Variants in PTPN3 observed in about 807,000 individuals in gnomAD.
PTPN3 encodes tyrosine-protein phosphatase non-receptor type 3.
Under a neutral mutation model 132.7 loss-of-function variants are expected in PTPN3, and 96 were observed. That is an observed-to-expected ratio of 0.72 (90% CI 0.61 to 0.86). The LOEUF is 0.86. Among genes scored for constraint, PTPN3 ranks in the 40% least tolerant of loss-of-function variants. The probability of loss-of-function intolerance (pLI) is 0.00; values close to 1 mark genes in which losing one functional copy is unlikely to be tolerated. For synonymous variants in PTPN3, 398 were observed against 429.0 expected, an observed-to-expected ratio of 0.93 and a Z score of 0.89; for missense variants, 1,125 against 1,159.6, an observed-to-expected ratio of 0.97 and a Z score of 0.43.
At chr9:109,526,622 C>G in the PTPN3 span, among the ~76,000 whole-genome samples, 1 of 152,148 alleles carries the variant, frequency 6.6e-6, no homozygotes, top group Non-Finnish European at 1.5e-5. Flanking sequence ...CTGCAGTGGG[C>G]TGCGTTCATG....
At chr9:109,385,949 C>G (rs1839547630) in intron 22 of PTPN3, among the ~76,000 whole-genome samples, 1 of 152,188 alleles carries the variant, frequency 6.6e-6, no homozygotes, top group Non-Finnish European at 1.5e-5. Flanking sequence ...AAGGATGTGT[C>G]TTTCTGGACC....
intron 1 of PTPN3, among the ~76,000 whole-genome samples, chr9:109,466,725 G>A (rs1235173008): frequency 1.3e-5 from 2 of 152,198 alleles, no homozygotes; most frequent in Admixed American, 6.5e-5. Flanking sequence ...TGGAAAAGTA[G>A]CGCCTAATGT....
rs1422644975 is a variant in PTPN3, at chr9:109,377,457, C to CACA, written c.*2098_*2099insTGT. The CACA allele has an allele frequency of 1.5e-5, 2 of 131,152 alleles. No homozygotes were observed. Among genetic ancestry groups the CACA allele is most frequent in the South Asian group, 2.3e-4 (1 of 4,266 alleles). The allele number at this position is 131,152 out of a possible 1,614,324, so 8.1% of individuals were successfully genotyped here. On this transcript the variant is annotated 3_prime_UTR_variant, in exon 26 of 26. Transcript: ENST00000374541. Reference sequence around the variant, plus strand: ...ACACACACACACACACACACACACACAAGCCAGGTGAGGTGGCATGTGCCT... The same window carrying CACA: ...ACACACACACACACACACACACACACACAAAGCCAGGTGAGGTGGCATGTGCCT...
At chr9:109,436,782 T>C (rs998133840) in intron 9 of PTPN3, 101 bp downstream of exon 9, 6 of 1,484,834 alleles carry the variant, frequency 4.0e-6, no homozygotes, top group Non-Finnish European at 2.7e-6. Context: ...AAAAGTCCTG[T>C]TATAATGAAA....
chr9:109,534,080 T>A, the PTPN3 span: 1 of 774,216 alleles, frequency 1.3e-6, no homozygotes, highest in Non-Finnish European at 2.4e-6. Flanking sequence ...GGTACAAATG[T>A]ATCTTCCTTG....
chr9:109,464,483 C>T (rs1048978679), intron 1 of PTPN3, among the ~76,000 whole-genome samples: 1 of 152,194 alleles, frequency 6.6e-6, no homozygotes, highest in Admixed American at 6.5e-5. Flanking sequence ...ACAAAATAAT[C>T]TGTACACCAA....
chr9:109,415,286 T>A (rs1842407626), intron 14 of PTPN3, among the ~76,000 whole-genome samples: 1 of 152,160 alleles, frequency 6.6e-6, no homozygotes, highest in African/African-American at 2.4e-5. Flanking sequence ...ACAGTGGAGA[T>A]GCTCAGATGT....
intron 5 of PTPN3, chr9:109,449,065 C>A: frequency 1.5e-6 from 2 of 1,376,162 alleles, no homozygotes; most frequent in South Asian, 1.7e-5. Flanking sequence ...TACGTCTTGA[C>A]TGGTGGGGGC....
the PTPN3 span, among the ~76,000 whole-genome samples, chr9:109,519,136 CAG>C: frequency 6.6e-5 from 10 of 152,274 alleles, no homozygotes; most frequent in East Asian, 1.9e-3. Context: ...TAAGGCATAT[CAG>C]GGCATCAGAA....
intron 1 of PTPN3, among the ~76,000 whole-genome samples, chr9:109,484,643 G>A (rs532434072): frequency 3.3e-5 from 5 of 152,324 alleles, no homozygotes; most frequent in African/African-American, 1.2e-4. Flanking sequence ...CTTCAGAGGC[G>A]ACAGGAGGGT....
chr9:109,496,789 G>A (rs1847686898), intron 1 of PTPN3, among the ~76,000 whole-genome samples: 1 of 152,178 alleles, frequency 6.6e-6, no homozygotes, highest in Admixed American at 6.5e-5. Context: ...TGGGGAACAG[G>A]AATTGCTACT....
Position 109,391,480 on chromosome 9 carries a change from C to A in PTPN3, c.2035G>T (p.Val679Leu). The change falls in exon 20 of 26, where the codon GTG becomes TTG. Residue 679 changes from valine to leucine, a missense_variant. By Grantham distance (32) the Val-to-Leu change is conservative. Coordinates refer to ENST00000374541, the MANE Select transcript of PTPN3 (RefSeq NM_002829.4). ...QNLDKNRYKD[V>L]LPYDTTRVLL... ...CATGCCGGATACTCACAAGGCAGCA[C>A]ATCTTTATATCGGTTTTTGTCCAAA... 1 of 1,612,728 alleles carries A rather than the reference C, an allele frequency of 6.2e-7. No individual in the cohort carries two copies. Among genetic ancestry groups the A allele is most frequent in the Non-Finnish European group, 8.5e-7 (1 of 1,178,836 alleles).
chr9:109,524,794 G>A, the PTPN3 span, among the ~76,000 whole-genome samples: 1 of 152,200 alleles, frequency 6.6e-6, no homozygotes, highest in Non-Finnish European at 1.5e-5. Flanking sequence ...CTGGAGTGGA[G>A]TGGCATGATC....
intron 19 of PTPN3, among the ~76,000 whole-genome samples, chr9:109,393,280 A>G (rs1478737743): frequency 6.6e-6 from 1 of 152,028 alleles, no homozygotes; most frequent in East Asian, 1.9e-4. Context: ...ATTTGTATTA[A>G]CTTTTATCTT....
intron 1 of PTPN3, among the ~76,000 whole-genome samples, chr9:109,484,722 AC>A (rs1323402617): frequency 1.3e-5 from 2 of 151,970 alleles, no homozygotes; most frequent in Non-Finnish European, 2.9e-5. Flanking sequence ...CCATTCCCTC[AC>A]CCCACATCTA....
chr9:109,427,433 G>A (rs896102125), intron 11 of PTPN3, among the ~76,000 whole-genome samples: 49 of 152,260 alleles, frequency 3.2e-4, no homozygotes, highest in Admixed American at 1.4e-3. Flanking sequence ...GATAAAAACC[G>A]TCTGATACAC....
the PTPN3 span, among the ~76,000 whole-genome samples, chr9:109,510,624 A>G: frequency 1.5e-5 from 2 of 135,628 alleles, no homozygotes; most frequent in Non-Finnish European, 3.2e-5. Flanking sequence ...AAGCAACTGT[A>G]TGATTATGAA....
intron 14 of PTPN3, among the ~76,000 whole-genome samples, chr9:109,411,166 CCTG>C (rs1366577522): frequency 6.6e-6 from 1 of 152,168 alleles, no homozygotes; most frequent in African/African-American, 2.4e-5. Context: ...GGCAGGAAGT[CCTG>C]CTGGACAGCG....
chr9:109,426,653 C>A (rs563826227), intron 12 of PTPN3, among the ~76,000 whole-genome samples: 123 of 152,308 alleles, frequency 8.1e-4, no homozygotes, highest in Non-Finnish European at 1.5e-3. Context: ...CCAGGAGACA[C>A]ACAGAACCAT....
Sources: gnomAD v4.1 joint callset for allele counts (sites outside exome capture counted in the v4.1 genomes callset) on GRCh38, gnomAD v4.1.1 for gene constraint, MANE v1.5 for transcripts, NCBI Gene and HGNC (gene_info 2026-07-23, HGNC 2026-07-21) for gene names.